The following CTNNA3 variants were observed in gnomAD, a reference collection of about 807,000 sequenced individuals.
CTNNA3 encodes catenin alpha-3.
CTNNA3 carries 76 observed loss-of-function variants against 95.7 expected under a neutral mutation model. That is an observed-to-expected ratio of 0.79 (90% CI 0.66 to 0.96). The LOEUF is 0.96. CTNNA3 is among the 40% of genes least tolerant of loss of function. The pLI is 0.00. For synonymous variants in CTNNA3, 431 were observed against 374.4 expected, an observed-to-expected ratio of 1.15 and a Z score of -1.74; for missense variants, 1,191 against 1,089.8, an observed-to-expected ratio of 1.09 and a Z score of -1.31.
chr10:67,482,839 G>T (rs1350632241), intron 5 of CTNNA3, among the ~76,000 whole-genome samples: 1 of 152,134 alleles, frequency 6.6e-6, no homozygotes, highest in Non-Finnish European at 1.5e-5. Context: ...TTTTCAAAGG[G>T]AATGCTTCCA....
At chr10:66,916,010 G>C (rs925808611) in intron 7 of CTNNA3, among the ~76,000 whole-genome samples, 2 of 152,122 alleles carry the variant, frequency 1.3e-5, no homozygotes, top group African/African-American at 4.8e-5. Context: ...GCCTCCCAAA[G>C]TGGGCTGGGA....
At chr10:67,591,363 C>T (rs1842782907) in intron 3 of CTNNA3, among the ~76,000 whole-genome samples, 1 of 151,300 alleles carries the variant, frequency 6.6e-6, no homozygotes. Context: ...CTTAAGAAAC[C>T]AAAAGGAAAA....
chr10:66,177,038 A>G (rs1485419656), intron 13 of CTNNA3, among the ~76,000 whole-genome samples: 1 of 152,136 alleles, frequency 6.6e-6, no homozygotes, highest in Non-Finnish European at 1.5e-5. Flanking sequence ...CGGTAACATA[A>G]TTCTCTAAAG....
At chr10:66,840,422 A>G (rs1300603145) in intron 7 of CTNNA3, among the ~76,000 whole-genome samples, 1 of 145,530 alleles carries the variant, frequency 6.9e-6, no homozygotes, top group Admixed American at 7.1e-5. Flanking sequence ...CCCTCGGTAT[A>G]GGTTGGAAGT....
chr10:67,209,512 T>A (rs570334273), intron 6 of CTNNA3, among the ~76,000 whole-genome samples: 5 of 152,268 alleles, frequency 3.3e-5, no homozygotes, highest in African/African-American at 1.2e-4. Flanking sequence ...TACGAACTTT[T>A]AAAACTTCCT....
intron 13 of CTNNA3, among the ~76,000 whole-genome samples, chr10:66,200,539 C>T (rs556359545): frequency 1.3e-5 from 2 of 152,230 alleles, no homozygotes; most frequent in South Asian, 4.1e-4. Context: ...GACTTAAGTT[C>T]TATGATGAAG....
intron 7 of CTNNA3, among the ~76,000 whole-genome samples, chr10:66,830,095 T>C (rs139685006): frequency 6.6e-6 from 1 of 152,306 alleles, no homozygotes; most frequent in African/African-American, 2.4e-5. Context: ...GTTAACCTCA[T>C]GTCTCACCAC....
chr10:66,924,680 T>G (rs971145890), intron 7 of CTNNA3, among the ~76,000 whole-genome samples: 13 of 152,212 alleles, frequency 8.5e-5, no homozygotes, highest in Non-Finnish European at 1.8e-4. Flanking sequence ...ATTCAGTACG[T>G]AATCCTAGCA....
At chr10:67,719,034 G>A (rs989649834) in intron 1 of CTNNA3, among the ~76,000 whole-genome samples, 6 of 152,128 alleles carry the variant, frequency 3.9e-5, no homozygotes, top group Admixed American at 2.6e-4. Flanking sequence ...AGTCTTGGGA[G>A]GGTGTATGTG....
At chr10:67,734,916 A>G (rs1411433519) in intron 1 of CTNNA3, among the ~76,000 whole-genome samples, 2 of 152,186 alleles carry the variant, frequency 1.3e-5, no homozygotes, top group Non-Finnish European at 2.9e-5. Flanking sequence ...AAATGATGAT[A>G]TAGCTGATTA....
chr10:65,946,028 T>G (rs764556323), intron 17 of CTNNA3, among the ~76,000 whole-genome samples: 3 of 152,194 alleles, frequency 2.0e-5, no homozygotes, highest in Non-Finnish European at 4.4e-5. Flanking sequence ...ACATTAAATG[T>G]ACATACTTTA....
intron 10 of CTNNA3, among the ~76,000 whole-genome samples, chr10:66,577,879 G>A (rs1402028413): frequency 4.6e-5 from 7 of 151,942 alleles, no homozygotes; most frequent in African/African-American, 7.3e-5. Context: ...TACTTTGATA[G>A]GAATAGCATC....
intron 11 of CTNNA3, among the ~76,000 whole-genome samples, chr10:66,493,864 C>T (rs1840011389): frequency 6.7e-6 from 1 of 150,184 alleles, no homozygotes; most frequent in Non-Finnish European, 1.5e-5. Flanking sequence ...CTCAGCCTCC[C>T]AAAGTGCTGG....
intron 12 of CTNNA3, among the ~76,000 whole-genome samples, chr10:66,367,579 T>C (rs2092718900): frequency 6.7e-6 from 1 of 149,748 alleles, no homozygotes; most frequent in Admixed American, 6.7e-5. Flanking sequence ...AACAGATGTT[T>C]GCCATGTGAC....
At chr10:67,605,976 T>A (rs1414332839) in intron 3 of CTNNA3, among the ~76,000 whole-genome samples, 1 of 152,120 alleles carries the variant, frequency 6.6e-6, no homozygotes, top group African/African-American at 2.4e-5. Flanking sequence ...CGGCCAAAAA[T>A]TTTTTTTAAA....
intron 6 of CTNNA3, among the ~76,000 whole-genome samples, chr10:67,198,977 G>A (rs1863509487): frequency 6.6e-6 from 1 of 151,924 alleles, no homozygotes; most frequent in Non-Finnish European, 1.5e-5. Flanking sequence ...GCAATATAAG[G>A]AGGAGGGGGA....
chr10:66,243,821 C>A (rs2090200431), intron 13 of CTNNA3, among the ~76,000 whole-genome samples: 1 of 152,152 alleles, frequency 6.6e-6, no homozygotes, highest in African/African-American at 2.4e-5. Context: ...ACCAAAGAGC[C>A]CTTGGGTCCT....
intron 13 of CTNNA3, among the ~76,000 whole-genome samples, chr10:66,268,632 A>G (rs1016042668): frequency 6.6e-6 from 1 of 152,210 alleles, no homozygotes; most frequent in African/African-American, 2.4e-5. Context: ...CAGCAATAAT[A>G]ACTGGAACAA....
chr10:67,580,574 GT>G (rs1456814128), intron 3 of CTNNA3, among the ~76,000 whole-genome samples: 1 of 151,442 alleles, frequency 6.6e-6, no homozygotes, highest in Non-Finnish European at 1.5e-5. Context: ...CTTTAAAGTA[GT>G]TTTTTCCAAT....
Sources: gnomAD v4.1 joint callset for allele counts (sites outside exome capture counted in the v4.1 genomes callset) on GRCh38, gnomAD v4.1.1 for gene constraint, MANE v1.5 for transcripts, NCBI Gene and HGNC (gene_info 2026-07-23, HGNC 2026-07-21) for gene names.